HTT: variants seen among roughly 807,000 people sequenced by gnomAD.
The protein encoded by HTT is huntington disease protein.
HTT carries 104 observed loss-of-function variants against 362.3 expected under a neutral mutation model. The observed-to-expected ratio is 0.29, with a 90% CI of 0.24 to 0.34. HTT has a LOEUF of 0.34. Among genes scored for constraint, HTT ranks in the 10% least tolerant of loss-of-function variants. HTT has a pLI of 1.00. For synonymous variants in HTT, 1,577 were observed against 1,548.7 expected (o/e 1.02, Z -0.43); for missense variants, 3,301 against 3,928.6 (o/e 0.84, Z 4.27).
intron 1 of HTT, among the ~76,000 whole-genome samples, chr4:3,078,795 C>T (rs910277044): frequency 6.6e-6 from 1 of 151,200 alleles, no homozygotes; most frequent in Non-Finnish European, 1.5e-5. Flanking sequence ...AGTGCAGTGG[C>T]GCGATCTCAG....
intron 42 of HTT, among the ~76,000 whole-genome samples, chr4:3,205,871 G>C (rs922914449): frequency 6.6e-6 from 1 of 152,036 alleles, no homozygotes; most frequent in African/African-American, 2.4e-5. Flanking sequence ...TTTCTGCCTA[G>C]GATTATGAAT....
chr4:3,169,502 G>A (rs180737938), intron 29 of HTT, among the ~76,000 whole-genome samples: 3 of 151,082 alleles, frequency 2.0e-5, no homozygotes, highest in Admixed American at 2.0e-4. Context: ...GTGTTTTCAA[G>A]TTCTCTGATC....
At chr4:3,233,922 G>A (rs535106996) in intron 61 of HTT, among the ~76,000 whole-genome samples, 18 of 152,358 alleles carry the variant, frequency 1.2e-4, no homozygotes, top group African/African-American at 4.1e-4. Context: ...CTCTTCCAAA[G>A]TCGCAGAGGC....
intron 26 of HTT, among the ~76,000 whole-genome samples, 163 bp downstream of exon 26, chr4:3,148,370 G>A (rs1238060967): frequency 6.6e-6 from 1 of 152,212 alleles, no homozygotes; most frequent in African/African-American, 2.4e-5. Flanking sequence ...GTGACCATGT[G>A]GATGGGTGCA....
rs777646822 is a variant in HTT, at chr4:3,176,025, G to GTTTTTTTTTTTTTTT, written c.4407+927_4407+928insTTTTTTTTTTTTTTT. On this transcript the variant is annotated intron_variant, in intron 33 of 66. Transcript: ENST00000355072. ...CTTGTTTTTTTTGTTGTTGTTGTTT[G>GTTTTTTTTTTTTTTT]TTTTTTTTTGTTTTTTTTTTGAGAT... 1.6e-4 allele frequency among the ~76,000 whole-genome samples: 22 copies of GTTTTTTTTTTTTTTT among 139,116 alleles called. 1 individual carries two copies. The highest frequency in any genetic ancestry group is 2.7e-4 in the African/African-American group (9 of 33,676). 91.3% of individuals were successfully genotyped at this position (139,116 alleles called of 152,430 possible).
intron 2 of HTT, among the ~76,000 whole-genome samples, chr4:3,089,987 C>T (rs59797128): frequency 0.081 from 12,397 of 152,158 alleles, 857 homozygotes; most frequent in African/African-American, 0.19. Flanking sequence ...TCATAGGATA[C>T]ACTCTATACT....
chr4:3,200,655 T>C (rs923854224), intron 41 of HTT, among the ~76,000 whole-genome samples: 2 of 152,230 alleles, frequency 1.3e-5, no homozygotes, highest in Non-Finnish European at 2.9e-5. Context: ...GTATGGATAC[T>C]GGACCTTGTG....
intron 2 of HTT, among the ~76,000 whole-genome samples, chr4:3,095,593 T>C (rs1223555910): frequency 6.6e-6 from 1 of 152,186 alleles, no homozygotes; most frequent in Non-Finnish European, 1.5e-5. Context: ...CCTCTAAAAC[T>C]GTGAAAGAAA....
At chr4:3,142,595 T>G (rs1389889128) in intron 22 of HTT, among the ~76,000 whole-genome samples, 171 bp from the exon 23 acceptor site, 1 of 152,150 alleles carries the variant, frequency 6.6e-6, no homozygotes, top group Non-Finnish European at 1.5e-5. Flanking sequence ...GGGAATAAAT[T>G]CAGCCATTGT....
intron 8 of HTT, among the ~76,000 whole-genome samples, chr4:3,118,558 G>T (rs1388602534): frequency 6.6e-6 from 1 of 152,200 alleles, no homozygotes; most frequent in Admixed American, 6.5e-5. Context: ...CAGCACACGA[G>T]TGTGGGTGCG....
chr4:3,215,890 C>T (rs979188815), intron 51 of HTT, among the ~76,000 whole-genome samples: 1 of 152,134 alleles, frequency 6.6e-6, no homozygotes, highest in Admixed American at 6.6e-5. Flanking sequence ...TTGCCAGGGC[C>T]CCTAGGCTGC....
chr4:3,186,779 T>G (rs1718778706), intron 38 of HTT, 60 bp downstream of exon 38: 6 of 1,544,754 alleles, frequency 3.9e-6, no homozygotes, highest in Non-Finnish European at 5.3e-6. Context: ...CTCTGATTAC[T>G]GGGACCACCC....
In HTT at chr4:3,074,703, G is replaced by C. The variant is rs1275867683; in HGVS notation, c.-123G>C. The C allele has an allele frequency of 5.6e-6, 6 of 1,063,122 alleles. No individual in the cohort carries two copies. The East Asian group carries it at 2.0e-4, about 35-fold the overall frequency. 65.9% of individuals were successfully genotyped at this position (1,063,122 alleles called of 1,614,324 possible). On this transcript the variant is annotated 5_prime_UTR_variant, in exon 1 of 67. The change abolishes an upstream ATG in the 5' untranslated region. Coordinates refer to ENST00000355072, the MANE Select transcript of HTT (RefSeq NM_001388492.1). ...GGGGCTGCCGGGACGGGTCCAAGAT[G>C]GACGGCCGCTCAGGTTCTGCTTTTA...
At chr4:3,155,657 G>A (rs538259561) in intron 27 of HTT, among the ~76,000 whole-genome samples, 26 of 149,164 alleles carry the variant, frequency 1.7e-4, no homozygotes, top group South Asian at 6.4e-4. Flanking sequence ...TGAGGTGGGC[G>A]GATCACGAGG....
intron 23 of HTT, among the ~76,000 whole-genome samples, chr4:3,144,830 A>G (rs1214916170): frequency 6.6e-6 from 1 of 152,166 alleles, no homozygotes; most frequent in Non-Finnish European, 1.5e-5. Context: ...CAGGCTGGTC[A>G]GGGAGACGAT....
At chr4:3,178,477 C>T (rs753237210) in intron 35 of HTT, 31 bp downstream of exon 35, 39 of 1,607,110 alleles carry the variant, frequency 2.4e-5, no homozygotes, top group Admixed American at 8.4e-5. Context: ...CTGTCGTCTT[C>T]GGTGTCGTGA....
At chr4:3,217,659 G>T in intron 51 of HTT, 106 bp from the exon 52 acceptor site, 3 of 946,058 alleles carry the variant, frequency 3.2e-6, no homozygotes, top group East Asian at 2.5e-5. Flanking sequence ...AGTCTAAGTG[G>T]ATTCCACAGT....
intron 1 of HTT, among the ~76,000 whole-genome samples, chr4:3,075,679 A>C: frequency 6.7e-6 from 1 of 149,576 alleles, no homozygotes; most frequent in Admixed American, 6.6e-5. Context: ...GGCGCGTCCA[A>C]TGGGAGATTT....
intron 64 of HTT, among the ~76,000 whole-genome samples, chr4:3,237,789 A>C (rs1364401236): frequency 1.3e-5 from 2 of 152,064 alleles, no homozygotes; most frequent in Non-Finnish European, 2.9e-5. Context: ...CGGGAACGTG[A>C]TGGTTGCTTT....
Sources: gnomAD v4.1 joint callset for allele counts (sites outside exome capture counted in the v4.1 genomes callset) on GRCh38, gnomAD v4.1.1 for gene constraint, MANE v1.5 for transcripts, NCBI Gene and HGNC (gene_info 2026-07-23, HGNC 2026-07-21) for gene names.